WDR27: variants seen among roughly 807,000 people sequenced by gnomAD.
WDR27 encodes WD repeat-containing protein 27.
Under a neutral mutation model 114.4 loss-of-function variants are expected in WDR27, and 100 were observed. That is an observed-to-expected ratio of 0.87 (90% CI 0.74 to 1.03). The LOEUF is 1.03. Among genes scored for constraint, WDR27 ranks in the 50% least tolerant of loss-of-function variants. The pLI, the probability that WDR27 is intolerant of heterozygous loss-of-function variation, is 0.00. For synonymous variants in WDR27, 449 were observed against 423.1 expected, an observed-to-expected ratio of 1.06 and a Z score of -0.75; for missense variants, 1,129 against 1,092.9, an observed-to-expected ratio of 1.03 and a Z score of -0.47.
intron 23 of WDR27, among the ~76,000 whole-genome samples, chr6:169,594,239 A>AC (rs1389707334): frequency 1.3e-5 from 2 of 152,212 alleles, no homozygotes; most frequent in Non-Finnish European, 2.9e-5. Context: ...GAAGCAAGAA[A>AC]TTTTTTGGTT....
chr6:169,641,492 A>G (rs78046117), intron 17 of WDR27, among the ~76,000 whole-genome samples: 6,049 of 152,224 alleles, frequency 0.04, 139 homozygotes, highest in Middle Eastern at 0.092. Flanking sequence ...AAACAGAGTG[A>G]AAAGGATTCT....
At chr6:169,536,895 T>C (rs1017294736) in intron 25 of WDR27, among the ~76,000 whole-genome samples, 1 of 152,202 alleles carries the variant, frequency 6.6e-6, no homozygotes, top group Non-Finnish European at 1.5e-5. Context: ...ATGTAGGTTA[T>C]GAAACATCTC....
chr6:169,583,055 C>T (rs1432453569), intron 23 of WDR27, 121 bp from the exon 24 acceptor site: 4 of 749,990 alleles, frequency 5.3e-6, no homozygotes, highest in Non-Finnish European at 2.2e-6. Flanking sequence ...ACAGCAACAA[C>T]CAAGATGCCT....
intron 2 of WDR27, among the ~76,000 whole-genome samples, chr6:169,681,068 CAA>C (rs1371208645): frequency 1.3e-5 from 2 of 152,146 alleles, no homozygotes; most frequent in Non-Finnish European, 2.9e-5. Flanking sequence ...ATTTATAAAA[CAA>C]AAGACACAAA....
intron 23 of WDR27, among the ~76,000 whole-genome samples, chr6:169,590,580 G>A (rs1006046684): frequency 2.1e-4 from 32 of 152,246 alleles, no homozygotes; most frequent in African/African-American, 5.8e-4. Flanking sequence ...CTGGCCGCCC[G>A]CCACACCAGC....
intron 25 of WDR27, among the ~76,000 whole-genome samples, chr6:169,518,065 G>T (rs1793899898): frequency 1.3e-5 from 2 of 152,188 alleles, no homozygotes; most frequent in Admixed American, 6.5e-5. Flanking sequence ...CAAGAAGTGG[G>T]TGACCAAGGC....
chr6:169,426,985 G>T, the WDR27 span: 1 of 151,130 alleles, frequency 6.6e-6, no homozygotes, highest in African/African-American at 2.4e-5. Flanking sequence ...GGGGGGGGGT[G>T]GCGGTTGCAT....
intron 25 of WDR27, among the ~76,000 whole-genome samples, chr6:169,477,684 C>T (rs1787374467): frequency 6.6e-6 from 1 of 152,142 alleles, no homozygotes; most frequent in African/African-American, 2.4e-5. Flanking sequence ...AGTGATCCAC[C>T]CACCTTGGCC....
intron 25 of WDR27, among the ~76,000 whole-genome samples, chr6:169,504,314 A>G (rs567142753): frequency 6.2e-4 from 94 of 152,310 alleles, no homozygotes; most frequent in Non-Finnish European, 1.2e-3. Flanking sequence ...TCTCACCTTG[A>G]ATTGTAAGAG....
intron 1 of WDR27, among the ~76,000 whole-genome samples, chr6:169,692,062 A>G (rs1264156151): frequency 7.9e-6 from 1 of 127,006 alleles, no homozygotes; most frequent in African/African-American, 3.2e-5. Flanking sequence ...GAGAGGGGGG[A>G]AAACTGCCTC....
intron 25 of WDR27, among the ~76,000 whole-genome samples, chr6:169,563,799 G>A (rs1484198996): frequency 6.6e-6 from 1 of 152,158 alleles, no homozygotes; most frequent in African/African-American, 2.4e-5. Context: ...CCTGAAGGGG[G>A]ACACGGGTGG....
intron 23 of WDR27, among the ~76,000 whole-genome samples, chr6:169,597,608 G>C (rs1807062239): frequency 6.6e-6 from 1 of 152,042 alleles, no homozygotes. Flanking sequence ...CTACTAGCAG[G>C]TACTGACCTC....
rs1053649405 is a variant in WDR27 at position 169,659,327 on chromosome 6, A to G, written c.1198-120T>C. Reference sequence around the variant, plus strand: ...CTCATAGCAGCGACATCGCCCTGTCACTCCTAAAACGTTTTTACACACAAA... The same window carrying G: ...CTCATAGCAGCGACATCGCCCTGTCGCTCCTAAAACGTTTTTACACACAAA... On this transcript the variant is annotated intron_variant, in intron 11 of 25. Coordinates refer to ENST00000448612, the MANE Select transcript of WDR27 (RefSeq NM_182552.5). The surrounding 1 kb of genome is among the most constrained non-coding windows in gnomAD (Gnocchi z 4.3). The G allele has an allele frequency of 6.4e-7, 1 of 1,559,454 alleles. No homozygotes were observed. Among genetic ancestry groups the G allele is most frequent in the Admixed American group, 1.8e-5 (1 of 56,482 alleles).
intron 6 of WDR27, 159 bp downstream of exon 6, chr6:169,666,977 C>T (rs1472795631): frequency 1.8e-5 from 18 of 985,282 alleles, no homozygotes; most frequent in Non-Finnish European, 2.0e-5. Context: ...TAAGTGAATC[C>T]TCTCCCTGTG....
At chr6:169,465,258 C>CAAAAAA (rs56688798) in intron 25 of WDR27, among the ~76,000 whole-genome samples, 13 of 101,104 alleles carry the variant, frequency 1.3e-4, no homozygotes, top group South Asian at 3.7e-4. Flanking sequence ...AACTCCATCT[C>CAAAAAA]AAAAAAAAAA....
chr6:169,590,953 G>A (rs1446060434), intron 23 of WDR27, among the ~76,000 whole-genome samples: 1 of 152,192 alleles, frequency 6.6e-6, no homozygotes, highest in Non-Finnish European at 1.5e-5. Flanking sequence ...CCATGGAAGC[G>A]CAGGTATCTC....
chr6:169,694,169 G>A lies in WDR27; in HGVS notation c.-7-5157C>T, dbSNP rs997912537. On this transcript the variant is annotated intron_variant, in intron 1 of 25. Coordinates refer to ENST00000448612, the MANE Select transcript of WDR27 (RefSeq NM_182552.5). ...CTAAAAATACAAAAATTAGCCGGGC[G>A]TGGTGGCAGACGCCTGTAAGCCCAG... 1.5e-4 allele frequency among the ~76,000 whole-genome samples: 23 copies of A among 152,202 alleles called. No individual in the cohort carries two copies. In the East Asian group the frequency reaches 1.5e-3, roughly 10 times the overall value.
the WDR27 span, among the ~76,000 whole-genome samples, chr6:169,451,726 T>C: frequency 6.6e-6 from 1 of 152,264 alleles, no homozygotes; most frequent in African/African-American, 2.4e-5. Flanking sequence ...ATTGTTCTAG[T>C]GAATGTGTAG....
chr6:169,669,187 T>A (rs994076290), intron 4 of WDR27, among the ~76,000 whole-genome samples: 2 of 152,252 alleles, frequency 1.3e-5, no homozygotes, highest in East Asian at 3.8e-4. Context: ...TCATTTGAAA[T>A]CTTTAAAATC....
Sources: allele counts gnomAD v4.1 joint callset (sites outside exome capture counted in the v4.1 genomes callset), GRCh38; gene constraint gnomAD v4.1.1; non-coding constraint Gnocchi (gnomAD v3.1); transcripts MANE v1.5; gene names NCBI Gene and HGNC (gene_info 2026-07-23, HGNC 2026-07-21).